SPAG16: variants seen among roughly 807,000 people sequenced by gnomAD.
The protein encoded by SPAG16 is sperm-associated antigen 16 protein.
Under a neutral mutation model 80.4 loss-of-function variants are expected in SPAG16, and 86 were observed. That is an observed-to-expected ratio of 1.07 (90% CI 0.90 to 1.28). The LOEUF (loss-of-function observed/expected upper bound fraction) is 1.28. SPAG16 is among the 50% of genes most tolerant of loss of function. SPAG16 has a pLI of 0.00. For missense variants in SPAG16, 870 were observed against 765.3 expected, an observed-to-expected ratio of 1.14 and a Z score of -1.61; for synonymous variants, 294 against 265.9, an observed-to-expected ratio of 1.11 and a Z score of -1.03.
intron 15 of SPAG16, among the ~76,000 whole-genome samples, chr2:214,348,591 C>T (rs549901069): frequency 9.9e-5 from 15 of 152,224 alleles, no homozygotes; most frequent in African/African-American, 2.9e-4. Flanking sequence ...GCCCAGTTAC[C>T]GTGAGAACAC....
chr2:213,422,547 G>T (rs1199600022), intron 9 of SPAG16: 1 of 448,336 alleles, frequency 2.2e-6, no homozygotes, highest in East Asian at 3.4e-5. Context: ...AATGAGCCCA[G>T]CAGGCCCAAG....
chr2:213,929,951 T>G lies in SPAG16; in HGVS notation c.1215-9T>G. 6.3e-7 allele frequency: 1 copy of G among 1,598,974 alleles called. No homozygotes were observed. Among genetic ancestry groups the G allele is most frequent in the Non-Finnish European group, 8.5e-7 (1 of 1,172,518 alleles). On this transcript the variant is annotated splice_polypyrimidine_tract_variant and intron_variant, in intron 11 of 15. Transcript: ENST00000331683. Reference sequence around the variant, plus strand: ...TAAACAAGCTGTCTTTTTATGTTTTTGCAAATAGTGGCGACAAATTGGCTA... The same window carrying G: ...TAAACAAGCTGTCTTTTTATGTTTTGGCAAATAGTGGCGACAAATTGGCTA...
intron 12 of SPAG16, among the ~76,000 whole-genome samples, chr2:213,992,705 T>C (rs183075228): frequency 1.3e-5 from 2 of 152,272 alleles, no homozygotes; most frequent in East Asian, 3.9e-4. Context: ...CTGAACAAAA[T>C]ACATGCTAAT....
intron 13 of SPAG16, among the ~76,000 whole-genome samples, chr2:214,031,828 A>G (rs1480759041): frequency 6.6e-6 from 1 of 152,024 alleles, no homozygotes; most frequent in East Asian, 1.9e-4. Flanking sequence ...GAGAGAACCA[A>G]GGGGGGAAGT....
chr2:213,792,576 C>CTTTTT lies in SPAG16; in HGVS notation c.1071-69889_1071-69885dup, dbSNP rs11372174. ...CCTAATTTTCAGTGAAAATGAGTAT[C>CTTTTT]TTTTTTTTTTTTTTTTTTTTTTTTG... On this transcript the variant is annotated intron_variant, in intron 10 of 15. Transcript: ENST00000331683. 5.6e-4 allele frequency among the ~76,000 whole-genome samples: 44 copies of CTTTTT among 78,240 alleles called. 1 individual carries two copies. Among genetic ancestry groups the CTTTTT allele is most frequent in the African/African-American group, 1.1e-3 (22 of 20,514 alleles). 51.3% of individuals were successfully genotyped at this position (78,240 alleles called of 152,430 possible).
At chr2:214,115,839 C>T (rs969924484) in intron 14 of SPAG16, among the ~76,000 whole-genome samples, 23 of 144,164 alleles carry the variant, frequency 1.6e-4, no homozygotes, top group African/African-American at 6.0e-4. Flanking sequence ...GATTGCACAA[C>T]TGCACTCCAG....
Position 214,125,007 on chromosome 2 carries a change from T to A in SPAG16, c.1593+16746T>A, listed in dbSNP as rs1159880553. On this transcript the variant is annotated intron_variant, in intron 14 of 15. Transcript: ENST00000331683. ...CATTCAGAAACCTAAATTCATTGAA[T>A]TTTTTTCTGAAACCATTCAAGTTTT... 2.0e-5 allele frequency among the ~76,000 whole-genome samples: 3 copies of A among 151,828 alleles called. 1 individual carries two copies. In the Admixed American group the frequency reaches 2.0e-4, roughly 10 times the overall value.
intron 11 of SPAG16, among the ~76,000 whole-genome samples, chr2:213,877,543 G>C (rs548869840): frequency 2.2e-4 from 34 of 152,238 alleles, no homozygotes; most frequent in Admixed American, 2.1e-3. Flanking sequence ...CCAAACTCTT[G>C]AGTTCAAGTG....
intron 9 of SPAG16, among the ~76,000 whole-genome samples, chr2:213,382,932 T>C (rs1177053675): frequency 6.6e-6 from 1 of 152,138 alleles, no homozygotes; most frequent in African/African-American, 2.4e-5. Flanking sequence ...TTGGATTAAC[T>C]ACCATCACAG....
At chr2:213,694,578 C>T (rs2065082374) in intron 10 of SPAG16, among the ~76,000 whole-genome samples, 1 of 152,112 alleles carries the variant, frequency 6.6e-6, no homozygotes, top group South Asian at 2.1e-4. Flanking sequence ...TCCCTGAATT[C>T]CAAAAGGCAT....
chr2:214,236,700 C>T (rs1164762481), intron 15 of SPAG16, among the ~76,000 whole-genome samples: 3 of 151,660 alleles, frequency 2.0e-5, no homozygotes, highest in African/African-American at 7.3e-5. Flanking sequence ...TATCTAATTT[C>T]CCAGCATTTA....
chr2:213,897,894 T>C (rs1267008286), intron 11 of SPAG16, among the ~76,000 whole-genome samples: 1 of 152,206 alleles, frequency 6.6e-6, no homozygotes, highest in Non-Finnish European at 1.5e-5. Flanking sequence ...CATCCTCCTA[T>C]AAAAAGGATT....
chr2:213,409,056 G>C (rs1001979246), intron 9 of SPAG16, among the ~76,000 whole-genome samples: 5 of 151,296 alleles, frequency 3.3e-5, no homozygotes, highest in Non-Finnish European at 5.9e-5. Flanking sequence ...AAGTGGGGTG[G>C]GAGAATTTAC....
At chr2:214,114,823 A>G (rs910419111) in intron 14 of SPAG16, among the ~76,000 whole-genome samples, 1 of 152,082 alleles carries the variant, frequency 6.6e-6, no homozygotes, top group African/African-American at 2.4e-5. Flanking sequence ...CCACTGTCCA[A>G]CCAGTCCCAG....
At chr2:213,562,507 T>C (rs2059625125) in intron 10 of SPAG16, among the ~76,000 whole-genome samples, 1 of 152,204 alleles carries the variant, frequency 6.6e-6, no homozygotes, top group Non-Finnish European at 1.5e-5. Context: ...TATAAACAAC[T>C]GAAACTTTTT....
chr2:213,951,872 A>T (rs1278585642), intron 12 of SPAG16, among the ~76,000 whole-genome samples: 1 of 152,152 alleles, frequency 6.6e-6, no homozygotes, highest in Non-Finnish European at 1.5e-5. Context: ...CTAAAACCAA[A>T]TATTAAAAAC....
At chr2:214,327,241 G>A (rs562885553) in intron 15 of SPAG16, among the ~76,000 whole-genome samples, 4 of 152,278 alleles carry the variant, frequency 2.6e-5, no homozygotes, top group South Asian at 2.1e-4. Context: ...CAATGAGTTA[G>A]TCCAATTGCA....
chr2:214,114,899 G>A (rs2053858542), intron 14 of SPAG16, among the ~76,000 whole-genome samples: 1 of 152,106 alleles, frequency 6.6e-6, no homozygotes, highest in African/African-American at 2.4e-5. Context: ...GATCATGCTG[G>A]GAGTTGCAGA....
At chr2:214,123,842 A>G (rs573780100) in intron 14 of SPAG16, among the ~76,000 whole-genome samples, 1 of 152,176 alleles carries the variant, frequency 6.6e-6, no homozygotes, top group South Asian at 2.1e-4. Context: ...CCGTGGAGGA[A>G]TAGCAAAATC....
Sources: allele counts gnomAD v4.1 joint callset (sites outside exome capture counted in the v4.1 genomes callset), GRCh38; gene constraint gnomAD v4.1.1; transcripts MANE v1.5; gene names NCBI Gene and HGNC (gene_info 2026-07-23, HGNC 2026-07-21).